Variants in TACR1 observed in about 807,000 individuals in gnomAD.
TACR1 encodes the protein tachykinin receptor 1.
TACR1 carries 25 observed loss-of-function variants against 35.8 expected under a neutral mutation model. The observed-to-expected ratio is 0.70, with a 90% CI of 0.51 to 0.98. TACR1 has a LOEUF of 0.98. TACR1 is among the 50% of genes least tolerant of loss of function. TACR1 has a pLI of 0.00. For missense variants in TACR1, 478 were observed against 522.9 expected, an observed-to-expected ratio of 0.91 and a Z score of 0.84; for synonymous variants, 195 against 206.7, an observed-to-expected ratio of 0.94 and a Z score of 0.48.
intron 1 of TACR1, among the ~76,000 whole-genome samples, chr2:75,169,547 T>A (rs1675225998): frequency 2.0e-5 from 3 of 152,232 alleles, no homozygotes. Flanking sequence ...TTTTGTTTCC[T>A]TTTAGTTATC....
chr2:75,167,197 G>A (rs1475987983), intron 1 of TACR1, among the ~76,000 whole-genome samples: 2 of 152,134 alleles, frequency 1.3e-5, no homozygotes, highest in Non-Finnish European at 2.9e-5. Context: ...ATAATTGAAA[G>A]GAAATTAATT....
At chr2:75,122,708 T>C (rs975989196) in intron 1 of TACR1, among the ~76,000 whole-genome samples, 1 of 152,198 alleles carries the variant, frequency 6.6e-6, no homozygotes, top group African/African-American at 2.4e-5. Flanking sequence ...GTTCTGTTGA[T>C]ACTATAAAGC....
intron 3 of TACR1, 100 bp from the exon 4 acceptor site, chr2:75,051,547 G>C: frequency 1.3e-6 from 2 of 1,537,130 alleles, no homozygotes; most frequent in East Asian, 4.8e-5. Flanking sequence ...AGTATGGGAT[G>C]AAGCGAGAAG....
At chr2:75,071,979 G>A (rs759047723) in intron 2 of TACR1, among the ~76,000 whole-genome samples, 2 of 152,122 alleles carry the variant, frequency 1.3e-5, no homozygotes, top group Non-Finnish European at 2.9e-5. Context: ...GAGTACGTAC[G>A]TCATGAAAAA....
At chr2:75,126,273 T>G (rs556261351) in intron 1 of TACR1, among the ~76,000 whole-genome samples, 17 of 152,298 alleles carry the variant, frequency 1.1e-4, no homozygotes, top group African/African-American at 4.1e-4. Flanking sequence ...TATGGAAGAA[T>G]TATATATATA....
chr2:75,090,577 C>T (rs1226724493), intron 2 of TACR1, among the ~76,000 whole-genome samples: 1 of 152,118 alleles, frequency 6.6e-6, no homozygotes, highest in Non-Finnish European at 1.5e-5. Context: ...TTAAATTTAC[C>T]TATAGCCTGG....
At chr2:75,071,474 C>G (rs1672877532) in intron 2 of TACR1, among the ~76,000 whole-genome samples, 1 of 152,212 alleles carries the variant, frequency 6.6e-6, no homozygotes, top group Non-Finnish European at 1.5e-5. Context: ...GAGTATTCAA[C>G]ATCGACTTAC....
At chr2:75,163,027 G>T (rs1675050073) in intron 1 of TACR1, among the ~76,000 whole-genome samples, 1 of 152,222 alleles carries the variant, frequency 6.6e-6, no homozygotes, top group Admixed American at 6.5e-5. Context: ...AAATGTGAGT[G>T]AAAGTGATGT....
chr2:75,102,968 T>C (rs1008966044), intron 2 of TACR1, among the ~76,000 whole-genome samples: 1 of 152,166 alleles, frequency 6.6e-6, no homozygotes, highest in African/African-American at 2.4e-5. Flanking sequence ...ATAGAAAACA[T>C]TTTTAAGAGA....
intron 2 of TACR1, among the ~76,000 whole-genome samples, chr2:75,110,880 G>A (rs1673736461): frequency 6.6e-6 from 1 of 151,912 alleles, no homozygotes; most frequent in African/African-American, 2.4e-5. Flanking sequence ...TGAAAACTTT[G>A]ACAGATATTG....
At chr2:75,094,003 A>G (rs894301467) in intron 2 of TACR1, among the ~76,000 whole-genome samples, 1 of 152,120 alleles carries the variant, frequency 6.6e-6, no homozygotes, top group African/African-American at 2.4e-5. Flanking sequence ...CTAGAAGCTG[A>G]GTCTTTGAAC....
At chr2:75,129,026 T>C (rs914681872) in intron 1 of TACR1, among the ~76,000 whole-genome samples, 7 of 152,128 alleles carry the variant, frequency 4.6e-5, no homozygotes, top group Non-Finnish European at 8.8e-5. Flanking sequence ...CTCAGGTTTA[T>C]AGAAATTTGA....
intron 1 of TACR1, among the ~76,000 whole-genome samples, chr2:75,144,757 A>ATT (rs1396998761): frequency 6.6e-6 from 1 of 152,230 alleles, no homozygotes; most frequent in Admixed American, 6.5e-5. Flanking sequence ...TTAAATGTGA[A>ATT]TTTATCTTAT....
At chr2:75,109,987 T>C (rs1464286925) in intron 2 of TACR1, among the ~76,000 whole-genome samples, 2 of 152,200 alleles carry the variant, frequency 1.3e-5, no homozygotes, top group Admixed American at 6.6e-5. Context: ...GATCTGACTT[T>C]AGATTAAAAG....
intron 1 of TACR1, among the ~76,000 whole-genome samples, chr2:75,169,940 A>G (rs2193407): frequency 0.84 from 128,502 of 152,148 alleles, 54,376 homozygotes; most frequent in Middle Eastern, 0.92. Flanking sequence ...TTCTGTTTCC[A>G]TTACTACCTT....
At chr2:75,120,835 T>G (rs1673955658) in intron 1 of TACR1, 67 bp from the exon 2 acceptor site, 1 of 1,299,828 alleles carries the variant, frequency 7.7e-7, no homozygotes, top group Non-Finnish European at 1.0e-6. Context: ...GATTCCATAT[T>G]TTTCCTGCCA....
intron 1 of TACR1, among the ~76,000 whole-genome samples, chr2:75,133,285 A>G (rs926279192): frequency 3.3e-5 from 5 of 152,370 alleles, no homozygotes; most frequent in Non-Finnish European, 5.9e-5. Context: ...TTTCAAGAGC[A>G]GCAATCAGGA....
intron 2 of TACR1, among the ~76,000 whole-genome samples, chr2:75,102,500 G>A (rs912865058): frequency 6.6e-6 from 1 of 151,978 alleles, no homozygotes; most frequent in African/African-American, 2.4e-5. Flanking sequence ...AACATTGACA[G>A]TAAGTGTTAG....
chr2:75,145,128 T>C (rs1674480081), intron 1 of TACR1, among the ~76,000 whole-genome samples: 1 of 152,136 alleles, frequency 6.6e-6, no homozygotes, highest in South Asian at 2.1e-4. Context: ...TATTGTATGA[T>C]TAGATCAAAA....
Sources: gnomAD v4.1 joint callset for allele counts (sites outside exome capture counted in the v4.1 genomes callset) on GRCh38, gnomAD v4.1.1 for gene constraint, MANE v1.5 for transcripts, NCBI Gene and HGNC (gene_info 2026-07-23, HGNC 2026-07-21) for gene names.